Variants in KCNN3 observed in about 807,000 individuals in gnomAD.
The protein encoded by KCNN3 is potassium calcium-activated channel subfamily N member 3, also known as small conductance calcium-activated potassium channel protein 3.
KCNN3 carries 16 observed loss-of-function variants against 62.9 expected under a neutral mutation model. That is an observed-to-expected ratio of 0.25 (90% confidence interval 0.17 to 0.39). The LOEUF (loss-of-function observed/expected upper bound fraction) is 0.39. Ranked by LOEUF, KCNN3 falls within the 10% of genes least tolerant of loss-of-function variation. KCNN3 has a pLI of 1.00. For missense variants in KCNN3, 599 were observed against 949.4 expected, an observed-to-expected ratio of 0.63 and a Z score of 4.85; for synonymous variants, 370 against 389.2, an observed-to-expected ratio of 0.95 and a Z score of 0.58.
intron 1 of KCNN3, among the ~76,000 whole-genome samples, chr1:154,850,064 T>A (rs1002165749): frequency 1.5e-4 from 23 of 152,158 alleles, no homozygotes; most frequent in African/African-American, 5.3e-4. Context: ...CTTTCTCCCC[T>A]ACTCATGCCA....
intron 1 of KCNN3, among the ~76,000 whole-genome samples, chr1:154,860,287 G>C (rs1652712542): frequency 6.6e-6 from 1 of 152,212 alleles, no homozygotes; most frequent in Non-Finnish European, 1.5e-5. Flanking sequence ...TCCCAGGTCA[G>C]CTTCCTAGTT....
At chr1:154,859,977 C>G in intron 1 of KCNN3, 1 of 703,410 alleles carries the variant, frequency 1.4e-6, no homozygotes. Flanking sequence ...CATCAAGGCT[C>G]TGCTCAGAAT....
chr1:154,749,620 C>A (rs568889420), intron 3 of KCNN3, among the ~76,000 whole-genome samples: 1 of 152,002 alleles, frequency 6.6e-6, no homozygotes, highest in Non-Finnish European at 1.5e-5. Context: ...GACGTCAGGG[C>A]GAGTGGGAAG....
chr1:154,826,939 G>A (rs1651158120), intron 1 of KCNN3, among the ~76,000 whole-genome samples: 1 of 152,206 alleles, frequency 6.6e-6, no homozygotes, highest in Non-Finnish European at 1.5e-5. Flanking sequence ...CAACCAAGCT[G>A]TTACCCACAA....
intron 5 of KCNN3, among the ~76,000 whole-genome samples, chr1:154,724,058 A>C (rs1700411471): frequency 6.6e-6 from 1 of 152,196 alleles, no homozygotes; most frequent in South Asian, 2.1e-4. Flanking sequence ...TCAAGTACAA[A>C]CACTTGAATG....
chr1:154,744,423 A>G (rs1700895047), intron 3 of KCNN3, among the ~76,000 whole-genome samples: 3 of 152,182 alleles, frequency 2.0e-5, no homozygotes, highest in African/African-American at 7.2e-5. Context: ...GCTGCTAAAG[A>G]TGGCAATTGT....
intron 2 of KCNN3, among the ~76,000 whole-genome samples, chr1:154,784,773 C>T (rs151247654): frequency 6.6e-6 from 1 of 152,368 alleles, no homozygotes; most frequent in African/African-American, 2.4e-5. Context: ...TGCTGTGTGC[C>T]TTACAGGCAC....
At chr1:154,713,752 T>G (rs73003284) in intron 6 of KCNN3, among the ~76,000 whole-genome samples, 4,998 of 152,044 alleles carry the variant, frequency 0.033, 274 homozygotes, top group African/African-American at 0.11. Context: ...AGTCACTGGT[T>G]TCTTGCTATT....
rs905421330 is a variant in KCNN3, at chr1:154,698,754, C to G, written c.*9222G>C. ...TCCTCTGCCTTCTAAGACACAGGTT[C>G]CCACCTGCTTCAGGGAGAGAGACTT... On this transcript the variant is annotated 3_prime_UTR_variant, in exon 8 of 8. Transcript: ENST00000271915. 2 of 152,318 alleles carry G rather than the reference C, an allele frequency of 1.3e-5. No homozygotes were observed. Among genetic ancestry groups the G allele is most frequent in the South Asian group, 4.1e-4 (2 of 4,830 alleles). The allele number at this position is 152,318 out of a possible 1,614,324, so 9.4% of individuals were successfully genotyped here.
At chr1:154,712,511 T>C (rs1228105998) in intron 7 of KCNN3, among the ~76,000 whole-genome samples, 1 of 152,184 alleles carries the variant, frequency 6.6e-6, no homozygotes, top group Non-Finnish European at 1.5e-5. Context: ...ACAAGGCACC[T>C]GCACGTGGCC....
chr1:154,811,421 T>G (rs1256559217), intron 2 of KCNN3, among the ~76,000 whole-genome samples: 2 of 152,200 alleles, frequency 1.3e-5, no homozygotes, highest in African/African-American at 4.8e-5. Context: ...TACTTAAAAA[T>G]GGTTAAAATG....
chr1:154,816,689 C>T (rs1177916331), intron 2 of KCNN3, among the ~76,000 whole-genome samples: 1 of 152,234 alleles, frequency 6.6e-6, no homozygotes, highest in Admixed American at 6.5e-5. Context: ...TGGGCATCAA[C>T]ACCCCTCACC....
At chr1:154,726,116 G>T in intron 4 of KCNN3, 90 bp from the exon 5 acceptor site, 2 of 929,808 alleles carry the variant, frequency 2.2e-6, no homozygotes, top group South Asian at 1.4e-5. Context: ...GGCCACGGGG[G>T]TAATTTCCTG....
chr1:154,848,412 A>T (rs1437647504), intron 1 of KCNN3, among the ~76,000 whole-genome samples: 3 of 151,956 alleles, frequency 2.0e-5, no homozygotes, highest in Non-Finnish European at 4.4e-5. Flanking sequence ...TCGCAGTAAC[A>T]CTGCTTCCAG....
At chr1:154,713,586 G>T in intron 6 of KCNN3, 53 bp from the exon 7 acceptor site, 1 of 1,456,918 alleles carries the variant, frequency 6.9e-7, no homozygotes, top group Non-Finnish European at 9.6e-7. Context: ...CAAAGGTTTA[G>T]CCCCACCAGC....
chr1:154,836,231 G>A (rs566997805), intron 1 of KCNN3, among the ~76,000 whole-genome samples: 7 of 152,248 alleles, frequency 4.6e-5, no homozygotes, highest in Non-Finnish European at 7.4e-5. Context: ...AAGGTACCTC[G>A]TACAAGTGAG....
Position 154,747,964 on chromosome 1 carries a change from G to C in KCNN3, c.1449-14820C>G, listed in dbSNP as rs1413075111. Among the ~76,000 whole-genome samples, 3 of 152,144 alleles carry C rather than the reference G, an allele frequency of 2.0e-5. No homozygotes were observed. The East Asian group carries it at 5.8e-4, about 29-fold the overall frequency. ...TCCGGAAAGCCGTCCCGGATCAAGT[G>C]CCCTCTGTGGAGCCCCTTCTTCCCC... On this transcript the variant is annotated intron_variant, in intron 3 of 7. Coordinates refer to ENST00000271915, the MANE Select transcript of KCNN3 (RefSeq NM_002249.6).
At position 154,702,236 on chromosome 1, in the gene KCNN3, T is replaced by C. The variant is rs1041856602; in HGVS notation, c.*5740A>G. On this transcript the variant is annotated 3_prime_UTR_variant, in exon 8 of 8. Transcript: ENST00000271915. Reference sequence around the variant, plus strand: ...AGTGATGTGTACTCAGAAACAGTCATTGGGAGAGCAGGCTGACAGTGGACC... The same window carrying C: ...AGTGATGTGTACTCAGAAACAGTCACTGGGAGAGCAGGCTGACAGTGGACC... The C allele has an allele frequency of 3.9e-5, 6 of 152,062 alleles. No individual in the cohort carries two copies. The highest frequency in any genetic ancestry group is 9.7e-5 in the African/African-American group (4 of 41,392). 9.4% of individuals were successfully genotyped at this position (152,062 alleles called of 1,614,324 possible).
chr1:154,826,593 G>C (rs527596846), intron 1 of KCNN3, among the ~76,000 whole-genome samples: 26 of 152,212 alleles, frequency 1.7e-4, no homozygotes, highest in Non-Finnish European at 3.1e-4. Flanking sequence ...TGGCGGCCAC[G>C]CCTTGCTGGC....
Sources: allele counts gnomAD v4.1 joint callset (sites outside exome capture counted in the v4.1 genomes callset), GRCh38; gene constraint gnomAD v4.1.1; transcripts MANE v1.5; gene names NCBI Gene and HGNC (gene_info 2026-07-23, HGNC 2026-07-21).